Variants in STX17 observed in about 807,000 individuals in gnomAD.
STX17 encodes syntaxin-17.
In STX17, 29 loss-of-function variants were observed where a neutral mutation model predicts 35.9. That is an observed-to-expected ratio of 0.81 (90% CI 0.60 to 1.10). The LOEUF (loss-of-function observed/expected upper bound fraction) is 1.10. Among genes scored for constraint, STX17 ranks in the 50% least tolerant of loss-of-function variants. STX17 has a pLI of 0.00. For missense variants in STX17, 312 were observed against 352.3 expected (o/e 0.89, Z 0.92); for synonymous variants, 92 against 118.3 (o/e 0.78, Z 1.44).
intron 2 of STX17, among the ~76,000 whole-genome samples, chr9:99,928,433 ACT>A (rs1321532286): frequency 6.6e-6 from 1 of 152,056 alleles, no homozygotes; most frequent in Non-Finnish European, 1.5e-5. Context: ...TCTTATGAAC[ACT>A]GTTCTTTTCA....
At chr9:99,916,730 T>C (rs1828782960) in intron 2 of STX17, among the ~76,000 whole-genome samples, 1 of 152,164 alleles carries the variant, frequency 6.6e-6, no homozygotes, top group Non-Finnish European at 1.5e-5. Context: ...CTTCTTTACT[T>C]ACAAGCAATA....
Position 99,945,808 on chromosome 9 carries a change from G to A in STX17, c.190-5252G>A, listed in dbSNP as rs561400452. The A allele has an allele frequency of 6.3e-4, 220 of 351,040 alleles. 1 individual carries two copies. The highest frequency in any genetic ancestry group is 9.9e-4 in the Non-Finnish European group (176 of 178,666). 21.7% of individuals were successfully genotyped at this position (351,040 alleles called of 1,614,324 possible). A position where few individuals can be genotyped will look rare whatever the true frequency, so the allele number is the denominator to read the frequency against. The stretch of plus-strand genomic sequence containing the variant: ...TTTAAATGGACAGTTGCGGCCGGGC[G>A]CGGTGGCTTACGCCTGTAATCCCAG... On this transcript the variant is annotated intron_variant, in intron 3 of 7. Coordinates refer to ENST00000259400, the MANE Select transcript of STX17 (RefSeq NM_017919.3).
At chr9:99,918,967 G>C (rs1828838899) in intron 2 of STX17, among the ~76,000 whole-genome samples, 1 of 152,134 alleles carries the variant, frequency 6.6e-6, no homozygotes, top group African/African-American at 2.4e-5. Context: ...TAGGTGAAGA[G>C]GTGAACAGGC....
intron 2 of STX17, among the ~76,000 whole-genome samples, chr9:99,924,636 C>G (rs1434167033): frequency 6.6e-6 from 1 of 152,132 alleles, no homozygotes; most frequent in African/African-American, 2.4e-5. Context: ...ATTGGGCCAC[C>G]TTTTAATATT....
chr9:99,915,431 G>A lies in STX17; in HGVS notation c.123+69G>A, dbSNP rs117121718. 3.1e-3 allele frequency: 4,617 copies of A among 1,500,432 alleles called. 15 individuals are homozygous for A. The highest frequency in any genetic ancestry group is 4.0e-3 in the South Asian group (298 of 73,908). The allele number at this position is 1,500,432 out of a possible 1,614,324, so 92.9% of individuals were successfully genotyped here. A position where few individuals can be genotyped will look rare whatever the true frequency, so the allele number is the denominator to read the frequency against. ...TGATTTATATTGGTTGTTCATTTCA[G>A]CTAAATTTAGAATATTAGATAAGAG... On this transcript the variant is annotated intron_variant, in intron 2 of 7. Transcript: ENST00000259400.
chr9:99,955,587 A>G (rs1829690583), intron 4 of STX17, among the ~76,000 whole-genome samples: 1 of 152,136 alleles, frequency 6.6e-6, no homozygotes, highest in African/African-American at 2.4e-5. Context: ...AATTTTTTAT[A>G]TACTATAATT....
intron 3 of STX17, among the ~76,000 whole-genome samples, chr9:99,944,820 T>C (rs1829445072): frequency 6.6e-6 from 1 of 152,104 alleles, no homozygotes; most frequent in Non-Finnish European, 1.5e-5. Flanking sequence ...CCAGCCAGCA[T>C]TTTTTATTTC....
At chr9:99,931,541 G>T (rs1829124521) in intron 3 of STX17, among the ~76,000 whole-genome samples, 1 of 151,168 alleles carries the variant, frequency 6.6e-6, no homozygotes, top group Non-Finnish European at 1.5e-5. Flanking sequence ...TGATTCAGAG[G>T]CTATGTCTGG....
chr9:99,924,401 T>G (rs898315609), intron 2 of STX17, among the ~76,000 whole-genome samples: 4 of 151,900 alleles, frequency 2.6e-5, no homozygotes, highest in South Asian at 4.2e-4. Context: ...GTATATATAT[T>G]ATATATATGT....
Position 99,970,986 on chromosome 9 carries a change from A to G in STX17, c.*2313A>G, listed in dbSNP as rs1830006496. ...GGAATATTACTCTAGCAGTCTTCACACATAGGCAAGTTACAGTCCTTTTAA... is the reference window on the plus strand; with the variant it reads ...GGAATATTACTCTAGCAGTCTTCACGCATAGGCAAGTTACAGTCCTTTTAA... On this transcript the variant is annotated 3_prime_UTR_variant, in exon 8 of 8. Transcript: ENST00000259400. 6.6e-6 allele frequency among the ~76,000 whole-genome samples: 1 copy of G among 152,234 alleles called. No individual in the cohort carries two copies. Among genetic ancestry groups the G allele is most frequent in the East Asian group, 1.9e-4 (1 of 5,202 alleles).
At chr9:99,934,366 G>A (rs193061318) in intron 3 of STX17, among the ~76,000 whole-genome samples, 410 of 152,256 alleles carry the variant, frequency 2.7e-3, no homozygotes, top group Non-Finnish European at 4.0e-3. Flanking sequence ...TGTATAAGAT[G>A]CTCATTAGAT....
intron 4 of STX17, among the ~76,000 whole-genome samples, chr9:99,957,356 A>G (rs2118507936): frequency 6.6e-6 from 1 of 152,256 alleles, no homozygotes; most frequent in African/African-American, 2.4e-5. Context: ...GCAGTCTCCT[A>G]TTGTTTTATA....
intron 3 of STX17, among the ~76,000 whole-genome samples, chr9:99,931,496 T>TA (rs2118385384): frequency 6.6e-6 from 1 of 151,190 alleles, no homozygotes; most frequent in Admixed American, 6.6e-5. Flanking sequence ...TTTTGCTCTT[T>TA]TTTTTTTTTT....
chr9:99,966,624 C>G (rs1165161509), intron 6 of STX17, among the ~76,000 whole-genome samples: 4 of 151,970 alleles, frequency 2.6e-5, no homozygotes, highest in Non-Finnish European at 5.9e-5. Context: ...AAAAACAAAA[C>G]CAAAATAGTC....
chr9:99,946,959 T>C (rs1829498579), intron 3 of STX17, among the ~76,000 whole-genome samples: 1 of 152,122 alleles, frequency 6.6e-6, no homozygotes, highest in Non-Finnish European at 1.5e-5. Flanking sequence ...TATTTATTCT[T>C]CTCAGGATTT....
At chr9:99,935,073 G>A (rs1005465335) in intron 3 of STX17, among the ~76,000 whole-genome samples, 3 of 152,008 alleles carry the variant, frequency 2.0e-5, no homozygotes, top group African/African-American at 7.3e-5. Flanking sequence ...GCTCACACCT[G>A]TAATCCCAGC....
rs1175489031 is a variant in STX17 at position 99,944,561 on chromosome 9, C to T, written c.190-6499C>T. 2.7e-5 allele frequency among the ~76,000 whole-genome samples: 4 copies of T among 150,146 alleles called. No homozygotes were observed. The South Asian group carries it at 8.3e-4, about 31-fold the overall frequency. On this transcript the variant is annotated intron_variant, in intron 3 of 7. Coordinates refer to ENST00000259400, the MANE Select transcript of STX17 (RefSeq NM_017919.3). ...TGGAGTTTCACTCTTGTTGCCCAGGCTGGAGTGCAATGGTGCAATCTTGGC... is the reference window on the plus strand; with the variant it reads ...TGGAGTTTCACTCTTGTTGCCCAGGTTGGAGTGCAATGGTGCAATCTTGGC...
intron 2 of STX17, among the ~76,000 whole-genome samples, chr9:99,927,725 C>A (rs954237872): frequency 1.3e-5 from 2 of 152,192 alleles, no homozygotes; most frequent in Non-Finnish European, 2.9e-5. Context: ...GATCCACCTG[C>A]CCCAGCCTCC....
intron 3 of STX17, among the ~76,000 whole-genome samples, chr9:99,943,464 C>A (rs753726179): frequency 1.2e-4 from 19 of 152,168 alleles, no homozygotes; most frequent in African/African-American, 4.3e-4. Context: ...TGCGCCACCA[C>A]GCCCAGCAAA....
Sources: allele counts gnomAD v4.1 joint callset (sites outside exome capture counted in the v4.1 genomes callset), GRCh38; gene constraint gnomAD v4.1.1; transcripts MANE v1.5; gene names NCBI Gene and HGNC (gene_info 2026-07-23, HGNC 2026-07-21).